Variants in PRPF3 observed in about 807,000 individuals in gnomAD.
The protein encoded by PRPF3 is pre-mRNA processing factor 3.
PRPF3 carries 3 observed loss-of-function variants against 89.2 expected under a neutral mutation model. That is an observed-to-expected ratio of 0.03 (90% CI 0.02 to 0.09). The LOEUF is 0.09. Among genes scored for constraint, PRPF3 ranks in the 10% least tolerant of loss-of-function variants. The pLI, the probability that PRPF3 is intolerant of heterozygous loss-of-function variation, is 1.00. For synonymous variants in PRPF3, 270 were observed against 289.1 expected (o/e 0.93, Z 0.67); for missense variants, 463 against 828.8 (o/e 0.56, Z 5.42).
chr1:150,349,505 T>G (rs781996465), intron 15 of PRPF3, among the ~76,000 whole-genome samples: 10 of 152,170 alleles, frequency 6.6e-5, no homozygotes, highest in Non-Finnish European at 1.5e-4. Context: ...TTCACAGTCA[T>G]GAATATGAGA....
intron 1 of PRPF3, among the ~76,000 whole-genome samples, chr1:150,323,782 T>TTC (rs1433464736): frequency 6.8e-6 from 1 of 147,642 alleles, no homozygotes; most frequent in Admixed American, 6.7e-5. Flanking sequence ...GAACATTCTT[T>TTC]TTTTTTTTTT....
intron 10 of PRPF3, 137 bp from the exon 11 acceptor site, chr1:150,344,025 G>A (rs1658043645): frequency 2.0e-5 from 15 of 757,748 alleles, no homozygotes; most frequent in Non-Finnish European, 2.3e-6. Context: ...TTTCAAGATA[G>A]GAGTTATTGG....
At chr1:150,349,088 T>C in intron 14 of PRPF3, 69 bp from the exon 15 acceptor site, 1 of 1,243,868 alleles carries the variant, frequency 8.0e-7, no homozygotes, top group Non-Finnish European at 1.2e-6. Flanking sequence ...AGAGTTTGGG[T>C]AGACTTGAAT....
intron 9 of PRPF3, chr1:150,343,104 T>C (rs1271948229): frequency 1.5e-5 from 3 of 201,172 alleles, no homozygotes; most frequent in Non-Finnish European, 3.0e-5. Context: ...TAGCCAGGCA[T>C]GGTGGCGTGT....
At chr1:150,345,954 C>T (rs1658235475) in intron 12 of PRPF3, 64 bp from the exon 13 acceptor site, 2 of 1,245,020 alleles carry the variant, frequency 1.6e-6, no homozygotes, top group Non-Finnish European at 2.4e-6. Context: ...TTTTTACTTG[C>T]CACTCCATTC....
At chr1:150,329,492 T>TA (rs146930976) in intron 4 of PRPF3, among the ~76,000 whole-genome samples, 1,537 of 152,236 alleles carry the variant, frequency 0.01, 21 homozygotes, top group African/African-American at 0.034. Flanking sequence ...ATTGAGAAAA[T>TA]TAAATGAAAT....
chr1:150,323,779 CTTT>C (rs781936072), intron 1 of PRPF3, among the ~76,000 whole-genome samples: 2 of 126,146 alleles, frequency 1.6e-5, no homozygotes, highest in East Asian at 2.3e-4. Flanking sequence ...ACAGAACATT[CTTT>C]TTTTTTTTTT....
chr1:150,346,178 C>G, intron 13 of PRPF3, 42 bp downstream of exon 13: 15 of 1,541,430 alleles, frequency 9.7e-6, no homozygotes, highest in Non-Finnish European at 1.3e-5. Flanking sequence ...CCAGACAACC[C>G]TAGGCTTAGA....
chr1:150,330,830 C>T (rs1180859077), intron 4 of PRPF3, among the ~76,000 whole-genome samples: 1 of 151,576 alleles, frequency 6.6e-6, no homozygotes, highest in Non-Finnish European at 1.5e-5. Flanking sequence ...TATTCTTCTG[C>T]CTCAGTCCCT....
chr1:150,325,713 T>C (rs1655638897), intron 2 of PRPF3, 38 bp from the exon 3 acceptor site: 1 of 1,605,100 alleles, frequency 6.2e-7, no homozygotes, highest in Non-Finnish European at 8.5e-7. Context: ...TGTGTACTCT[T>C]ACCTTTCCAA....
intron 3 of PRPF3, chr1:150,327,754 T>C: frequency 2.1e-6 from 1 of 486,496 alleles, no homozygotes; most frequent in Non-Finnish European, 2.7e-6. Flanking sequence ...TTTCCATTGT[T>C]TGATGAAAAC....
rs782589538 is a variant in PRPF3 at position 150,344,509 on chromosome 1, A to G, written c.1602A>G (p.Lys534=). The G allele has an allele frequency of 1.2e-6, 2 of 1,614,174 alleles. No homozygotes were observed. The highest frequency in any genetic ancestry group is 1.1e-5 in the South Asian group (1 of 91,086). ...QRKVKKIKKL[K]EDISQGVHIS... is the part of the protein sequence containing the mutation. Reference sequence around the variant, plus strand: ...AGGTCAAGAAAATTAAAAAGCTTAAAGAAGACATTTCACAGGGGGTACACA... The same window carrying G: ...AGGTCAAGAAAATTAAAAAGCTTAAGGAAGACATTTCACAGGGGGTACACA... The change falls in exon 12 of 16, where the codon AAA becomes AAG. Residue 534 remains lysine (K), a synonymous_variant. Coordinates refer to ENST00000324862, the MANE Select transcript of PRPF3 (RefSeq NM_004698.4).
chr1:150,347,238 T>G (rs1004628277), intron 14 of PRPF3, among the ~76,000 whole-genome samples: 21 of 141,474 alleles, frequency 1.5e-4, no homozygotes, highest in African/African-American at 5.3e-4. Flanking sequence ...AACTATTTCT[T>G]TTGTCTGATA....
At chr1:150,341,705 CTTT>C (rs35190590) in intron 9 of PRPF3, among the ~76,000 whole-genome samples, 121 of 138,492 alleles carry the variant, frequency 8.7e-4, no homozygotes, top group Middle Eastern at 3.8e-3. Flanking sequence ...CGCGCCCGGC[CTTT>C]TTTTTTTTTT....
rs587633404 is a variant in PRPF3, at chr1:150,343,826, C to A, written c.1427-336C>A. 5.0e-4 allele frequency among the ~76,000 whole-genome samples: 76 copies of A among 152,274 alleles called. No individual in the cohort carries two copies. The South Asian group carries it at 0.015, about 31-fold the overall frequency. On this transcript the variant is annotated intron_variant, in intron 10 of 15. Transcript: ENST00000324862. ...AAAAACTTGACCCTGTAGTTACATT[C>A]TCGTTCAGCAGTATTTTGACTGAGC... is the stretch of plus-strand genomic sequence containing the variant.
At chr1:150,351,111 A>C (rs587599352) in intron 15 of PRPF3, among the ~76,000 whole-genome samples, 1 of 152,226 alleles carries the variant, frequency 6.6e-6, no homozygotes, top group East Asian at 1.9e-4. Context: ...CTAAAAATAC[A>C]AAAATTAGTG....
intron 9 of PRPF3, among the ~76,000 whole-genome samples, chr1:150,341,286 G>A (rs1201053380): frequency 6.6e-6 from 1 of 151,850 alleles, no homozygotes; most frequent in African/African-American, 2.4e-5. Context: ...CCAAACTCTT[G>A]GGTTGGTGTG....
intron 12 of PRPF3, among the ~76,000 whole-genome samples, chr1:150,344,967 T>G (rs1161739694): frequency 6.6e-6 from 1 of 151,974 alleles, no homozygotes; most frequent in Non-Finnish European, 1.5e-5. Flanking sequence ...CGTAGTCATA[T>G]CCTTACCCTG....
rs782134846 is a variant in PRPF3 at position 150,349,183 on chromosome 1, G to A, written c.1870G>A (p.Val624Met). 1.5e-5 allele frequency: 25 copies of A among 1,613,772 alleles called. No individual in the cohort carries two copies. Among genetic ancestry groups the A allele is most frequent in the Non-Finnish European group, 1.7e-5 (20 of 1,179,870 alleles). Residue 624 changes from valine (V) to methionine (M), a missense_variant, in exon 15 of 16, where the codon GTG (valine) becomes ATG (methionine). By Grantham distance (21) the Val-to-Met change is conservative. This residue lies in a region of PRPF3 where 78 missense variants were observed against 96.6 expected (regional missense o/e 0.81). Transcript: ENST00000324862. ...DDDEESDEEA[V>M]KKTNKCVLVW... ...TGATGAGGAGTCTGATGAGGAAGCT[G>A]TGAAGAAAACCAACAAATGTGTACT...
Sources: allele counts gnomAD v4.1 joint callset (sites outside exome capture counted in the v4.1 genomes callset), GRCh38; gene constraint gnomAD v4.1.1; regional missense constraint gnomAD v4.1.1; transcripts MANE v1.5; gene names NCBI Gene and HGNC (gene_info 2026-07-23, HGNC 2026-07-21).